UNC13B: variants seen among roughly 807,000 people sequenced by gnomAD.
The protein encoded by UNC13B is unc-13 homolog B.
A neutral mutation model predicts 211.0 loss-of-function variants in UNC13B; 144 were observed. That is an observed-to-expected ratio of 0.68 (90% confidence interval 0.60 to 0.78). UNC13B has a LOEUF of 0.78. Among genes scored for constraint, UNC13B ranks in the 30% least tolerant of loss-of-function variants. The pLI, the probability that UNC13B is intolerant of heterozygous loss-of-function variation, is 0.00. For synonymous variants in UNC13B, 709 were observed against 725.8 expected (o/e 0.98, Z 0.37); for missense variants, 1,777 against 2,002.0 (o/e 0.89, Z 2.14).
intron 11 of UNC13B, among the ~76,000 whole-genome samples, chr9:35,363,015 AAGG>A (rs1446598849): frequency 2.0e-5 from 3 of 152,130 alleles, no homozygotes; most frequent in African/African-American, 7.2e-5. Flanking sequence ...CCTCTATGGA[AAGG>A]AGGTGTGAGA....
At chr9:35,328,493 A>G (rs959458090) in intron 11 of UNC13B, among the ~76,000 whole-genome samples, 1 of 152,110 alleles carries the variant, frequency 6.6e-6, no homozygotes, top group Non-Finnish European at 1.5e-5. Flanking sequence ...TCTAGTTCTC[A>G]TTCTCCAAAG....
At chr9:35,320,677 T>G (rs1483324795) in intron 11 of UNC13B, among the ~76,000 whole-genome samples, 1 of 152,208 alleles carries the variant, frequency 6.6e-6, no homozygotes, top group African/African-American at 2.4e-5. Flanking sequence ...AGTTTTGGGG[T>G]AAAGTTTCTA....
intron 11 of UNC13B, chr9:35,352,808 C>A: frequency 8.1e-7 from 1 of 1,232,166 alleles, no homozygotes; most frequent in Non-Finnish European, 1.0e-6. Flanking sequence ...GTTTGAGGAA[C>A]CTGCCCTAGT....
At chr9:35,202,285 G>C (rs1228992611) in intron 1 of UNC13B, among the ~76,000 whole-genome samples, 1 of 152,176 alleles carries the variant, frequency 6.6e-6, no homozygotes, top group Non-Finnish European at 1.5e-5. Flanking sequence ...GAATAAGTAT[G>C]ATGTGGTGCT....
chr9:35,197,286 C>G (rs1432183231), intron 1 of UNC13B, among the ~76,000 whole-genome samples: 2 of 152,104 alleles, frequency 1.3e-5, no homozygotes, highest in Non-Finnish European at 2.9e-5. Flanking sequence ...TGGCTTACTA[C>G]AGCCTCCGCC....
chr9:35,340,940 C>G (rs941456103), intron 11 of UNC13B, among the ~76,000 whole-genome samples: 10 of 152,132 alleles, frequency 6.6e-5, no homozygotes, highest in Admixed American at 5.2e-4. Flanking sequence ...CTTGAGTGTT[C>G]TTTGAAGATA....
At chr9:35,346,412 G>C (rs1375475068) in intron 11 of UNC13B, among the ~76,000 whole-genome samples, 1 of 152,192 alleles carries the variant, frequency 6.6e-6, no homozygotes, top group African/African-American at 2.4e-5. Context: ...TGATAAGTCA[G>C]AGAGAAGGAT....
At chr9:35,264,662 T>C (rs1827467876) in intron 7 of UNC13B, among the ~76,000 whole-genome samples, 1 of 152,238 alleles carries the variant, frequency 6.6e-6, no homozygotes, top group African/African-American at 2.4e-5. Flanking sequence ...TCATCAGGGC[T>C]GCCCCCCTCA....
At chr9:35,397,094 G>A in intron 28 of UNC13B, 73 bp from the exon 29 acceptor site, 1 of 1,605,300 alleles carries the variant, frequency 6.2e-7, no homozygotes, top group Non-Finnish European at 8.5e-7. Flanking sequence ...GCTGGTCAGA[G>A]CCTTTTCAAA....
chr9:35,272,914 T>C (rs1428835380), intron 7 of UNC13B, among the ~76,000 whole-genome samples: 3 of 152,194 alleles, frequency 2.0e-5, no homozygotes, highest in East Asian at 1.9e-4. Flanking sequence ...TATTTCTATA[T>C]GTATTATGAT....
intron 1 of UNC13B, among the ~76,000 whole-genome samples, chr9:35,221,733 A>G (rs1824575808): frequency 6.6e-6 from 1 of 152,180 alleles, no homozygotes; most frequent in African/African-American, 2.4e-5. Flanking sequence ...ACCCAGGGTC[A>G]CTAAGATTTT....
At chr9:35,258,948 C>G in intron 6 of UNC13B, 45 bp from the exon 7 acceptor site, 1 of 1,583,420 alleles carries the variant, frequency 6.3e-7, no homozygotes, top group Non-Finnish European at 8.6e-7. Context: ...TTTACTTGGG[C>G]TTCTGATTGT....
chr9:35,239,831 G>A (rs907214959), intron 5 of UNC13B, among the ~76,000 whole-genome samples: 24 of 152,134 alleles, frequency 1.6e-4, no homozygotes, highest in African/African-American at 4.8e-4. Context: ...GCTCTGTTCC[G>A]CCCGGCCCAC....
intron 1 of UNC13B, among the ~76,000 whole-genome samples, chr9:35,194,724 A>T (rs1486959453): frequency 6.6e-6 from 1 of 152,202 alleles, no homozygotes; most frequent in Non-Finnish European, 1.5e-5. Context: ...CACCGTTTTG[A>T]TGAGCGTTGT....
chr9:35,180,846 C>G (rs1587306920), intron 1 of UNC13B, among the ~76,000 whole-genome samples: 1 of 151,822 alleles, frequency 6.6e-6, no homozygotes, highest in East Asian at 1.9e-4. Flanking sequence ...CCTGTAATCC[C>G]AGCACTCTGG....
intron 1 of UNC13B, among the ~76,000 whole-genome samples, chr9:35,166,075 T>C (rs1158270891): frequency 6.6e-6 from 1 of 152,168 alleles, no homozygotes; most frequent in African/African-American, 2.4e-5. Flanking sequence ...CTATGGATTT[T>C]TTTCCCCCAA....
At chr9:35,358,793 G>T (rs1463040776) in intron 11 of UNC13B, among the ~76,000 whole-genome samples, 1 of 149,222 alleles carries the variant, frequency 6.7e-6, no homozygotes, top group Non-Finnish European at 1.5e-5. Context: ...TCCTGAGTTC[G>T]AGCAATTCTT....
intron 37 of UNC13B, among the ~76,000 whole-genome samples, chr9:35,402,282 CT>C (rs1168729927): frequency 2.3e-3 from 321 of 136,824 alleles, no homozygotes; most frequent in Middle Eastern, 7.4e-3. Context: ...TTCTTTTTTT[CT>C]TTTTTTTTTT....
At chr9:35,180,947 C>T (rs1254888098) in intron 1 of UNC13B, among the ~76,000 whole-genome samples, 1 of 139,700 alleles carries the variant, frequency 7.2e-6, no homozygotes, top group Non-Finnish European at 1.6e-5. Flanking sequence ...AAAAAAAATG[C>T]TGGATCTGTT....
Sources: allele counts gnomAD v4.1 joint callset (sites outside exome capture counted in the v4.1 genomes callset), GRCh38; gene constraint gnomAD v4.1.1; transcripts MANE v1.5; gene names NCBI Gene and HGNC (gene_info 2026-07-23, HGNC 2026-07-21).